The following ZER1 variants were observed in gnomAD, a reference collection of about 807,000 sequenced individuals.
ZER1 encodes the protein zyg-11 related cell cycle regulator, also known as protein zer-1 homolog.
In ZER1, 11 loss-of-function variants were observed where a neutral mutation model predicts 78.8. That is an observed-to-expected ratio of 0.14 (90% CI 0.09 to 0.23). ZER1 has a LOEUF of 0.23. ZER1 is among the 10% of genes least tolerant of loss of function. ZER1 has a pLI of 1.00. For synonymous variants in ZER1, 400 were observed against 407.0 expected (o/e 0.98, Z 0.21); for missense variants, 588 against 996.9 (o/e 0.59, Z 5.52).
At chr9:128,750,105 G>A (rs1427656264) in intron 8 of ZER1, among the ~76,000 whole-genome samples, 2 of 152,180 alleles carry the variant, frequency 1.3e-5, no homozygotes, top group African/African-American at 2.4e-5. Flanking sequence ...CAACACAGTT[G>A]AAGTAAAAAT....
rs754184730 is a variant in ZER1 at position 128,755,360 on chromosome 9, A to G, written c.158+48T>C. Reference sequence around the variant, plus strand: ...ACACACGGTCCCAATCTCTCTATACACATTCATGGTAAGACCCCTGCCCCT... The same window carrying G: ...ACACACGGTCCCAATCTCTCTATACGCATTCATGGTAAGACCCCTGCCCCT... On this transcript the variant is annotated intron_variant, in intron 2 of 15. Transcript: ENST00000291900. The surrounding 1 kb of genome is among the most constrained non-coding windows in gnomAD (Gnocchi z 5.6). 12 of 1,608,568 alleles carry G rather than the reference A, an allele frequency of 7.5e-6. No homozygotes were observed. The highest frequency in any genetic ancestry group is 1.3e-5 in the African/African-American group (1 of 74,740).
chr9:128,770,075 A>G (rs999347776), intron 1 of ZER1, among the ~76,000 whole-genome samples: 6 of 151,802 alleles, frequency 4.0e-5, no homozygotes, highest in Non-Finnish European at 8.8e-5. Flanking sequence ...TTTCTTGCCA[A>G]CCACTCTTCC....
intron 8 of ZER1, among the ~76,000 whole-genome samples, chr9:128,748,067 C>A (rs1167907022): frequency 6.6e-6 from 1 of 152,014 alleles, no homozygotes; most frequent in Admixed American, 6.6e-5. Flanking sequence ...GGCAACACAG[C>A]GAGACCCCGT....
At position 128,749,055 on chromosome 9, in the gene ZER1, C is replaced by T. The variant is rs1254012157; in HGVS notation, c.1359+1561G>A. Among the ~76,000 whole-genome samples the T allele has an allele frequency of 8.8e-5, 13 of 147,184 alleles. 1 individual carries two copies. The highest frequency in any genetic ancestry group is 6.8e-4 in the Admixed American group (10 of 14,692). ...TATATATATATATTGTGGCTGAGCA[C>T]GGTGGCTCACGCCTGTAATCCCAGC... is the stretch of plus-strand genomic sequence containing the variant. On this transcript the variant is annotated intron_variant, in intron 8 of 15. Transcript: ENST00000291900.
chr9:128,753,200 T>C lies in ZER1; in HGVS notation c.710A>G (p.Asp237Gly). Residue 237 changes from aspartate to glycine, a missense_variant, in exon 4 of 16, where the codon GAC (aspartate) becomes GGC (glycine). Asp to Gly is a moderately conservative substitution (Grantham distance 94). Coordinates refer to ENST00000291900, the MANE Select transcript of ZER1 (RefSeq NM_006336.4). This position sits in a 1 kb window ranked among gnomAD's most constrained non-coding sequence, Gnocchi z 7.5. ...CAGCTGCACGATGACCCGGATGTGGTCGTCGGACAGGTCCATGTTGTAGAG... is the reference window on the plus strand; with the variant it reads ...CAGCTGCACGATGACCCGGATGTGGCCGTCGGACAGGTCCATGTTGTAGAG... ...LVLYNMDLSD[D>G]HIRVIVQLHK... 1 of 1,568,976 alleles carries C rather than the reference T, an allele frequency of 6.4e-7. No homozygotes were observed. Among genetic ancestry groups the C allele is most frequent in the Non-Finnish European group, 8.6e-7 (1 of 1,156,984 alleles).
chr9:128,745,470 G>A (rs571423844), intron 8 of ZER1, among the ~76,000 whole-genome samples: 18 of 151,352 alleles, frequency 1.2e-4, no homozygotes, highest in African/African-American at 3.9e-4. Context: ...CGATTCTCCC[G>A]TCTCAGCCTC....
At position 128,753,595 on chromosome 9, in the gene ZER1, C is replaced by T; in HGVS notation, c.315G>A (p.Leu105=). The T allele has an allele frequency of 6.2e-7, 1 of 1,613,022 alleles. No individual in the cohort carries two copies. The highest frequency in any genetic ancestry group is 1.1e-5 in the South Asian group (1 of 91,082). ...CGCAGTTAGTCAGGTACAGCTCCAC[C>T]AGGTCCTGGGAGTGGGCACAGCTCC... is the stretch of plus-strand genomic sequence containing the variant. ...QDLEAIRKQD[L]VELYLTNCEK... The change falls in exon 4 of 16, where the codon CTG becomes CTA. Residue 105 remains leucine, a synonymous_variant. Coordinates refer to ENST00000291900, the MANE Select transcript of ZER1 (RefSeq NM_006336.4). The surrounding 1 kb of genome is among the most constrained non-coding windows in gnomAD (Gnocchi z 7.5).
At position 128,755,335 on chromosome 9, in the gene ZER1, A is replaced by G. The variant is rs1014630429; in HGVS notation, c.158+73T>C. ...TCCATAGCTACTCCCCACATAGTGC[A>G]CACACGGTCCCAATCTCTCTATACA... On this transcript the variant is annotated intron_variant, in intron 2 of 15. Coordinates refer to ENST00000291900, the MANE Select transcript of ZER1 (RefSeq NM_006336.4). This position sits in a 1 kb window ranked among gnomAD's most constrained non-coding sequence, Gnocchi z 5.6. 13 of 1,583,370 alleles carry G rather than the reference A, an allele frequency of 8.2e-6. No individual in the cohort carries two copies. The highest frequency in any genetic ancestry group is 1.0e-5 in the Non-Finnish European group (12 of 1,157,020).
Position 128,758,691 on chromosome 9 carries a change from C to G in ZER1, c.-94-3032G>C, listed in dbSNP as rs371405020. On this transcript the variant is annotated intron_variant, in intron 1 of 15. Transcript: ENST00000291900. Reference sequence around the variant, plus strand: ...TTGTGCTCAAGCAATCTGCTTACCCCCGCCTCCCAAAGTGCTGGGATTACA... The same window carrying G: ...TTGTGCTCAAGCAATCTGCTTACCCGCGCCTCCCAAAGTGCTGGGATTACA... 5.3e-5 allele frequency among the ~76,000 whole-genome samples: 8 copies of G among 150,592 alleles called. No homozygotes were observed. The South Asian group carries it at 8.5e-4, about 16-fold the overall frequency.
chr9:128,733,337 C>T, intron 15 of ZER1, 89 bp downstream of exon 15: 2 of 1,106,826 alleles, frequency 1.8e-6, no homozygotes, highest in Non-Finnish European at 2.7e-6. Flanking sequence ...CTGGGAATTT[C>T]AGCCATTCCT....
chr9:128,750,549 G>A (rs368993239), intron 8 of ZER1, 67 bp downstream of exon 8: 2 of 1,571,136 alleles, frequency 1.3e-6, no homozygotes, highest in Non-Finnish European at 1.7e-6. Flanking sequence ...AGCCCTAGCG[G>A]GACGCAAGAA....
At chr9:128,748,174 C>T (rs569878611) in intron 8 of ZER1, among the ~76,000 whole-genome samples, 5 of 151,842 alleles carry the variant, frequency 3.3e-5, no homozygotes, top group South Asian at 2.1e-4. Context: ...GGGAGGCCGA[C>T]GCAGGCGGAT....
rs1863673357 is a variant in ZER1 at position 128,751,375 on chromosome 9, G to T, written c.1038+38C>A. On this transcript the variant is annotated intron_variant, in intron 6 of 15. Transcript: ENST00000291900. This position sits in a 1 kb window ranked among gnomAD's most constrained non-coding sequence, Gnocchi z 5.4. ...AATCCAGCTCCTTCTCTCTCCCAAG[G>T]CTCCCTGGCCCAGACCCATCCCACT... 6.2e-7 allele frequency: 1 copy of T among 1,613,302 alleles called. No homozygotes were observed. The highest frequency in any genetic ancestry group is 1.3e-5 in the African/African-American group (1 of 74,998).
chr9:128,747,746 G>A (rs1180537166), intron 8 of ZER1, among the ~76,000 whole-genome samples: 1 of 152,082 alleles, frequency 6.6e-6, no homozygotes, highest in Admixed American at 6.6e-5. Flanking sequence ...CCGGAGTGGA[G>A]TAGCTGGGAC....
At chr9:128,739,299 GA>G (rs1863206185) in intron 13 of ZER1, among the ~76,000 whole-genome samples, 1 of 151,516 alleles carries the variant, frequency 6.6e-6, no homozygotes, top group South Asian at 2.1e-4. Context: ...TCAGGAGATC[GA>G]AACTATCCTG....
intron 8 of ZER1, among the ~76,000 whole-genome samples, chr9:128,749,446 T>C (rs1434199262): frequency 6.6e-6 from 1 of 152,166 alleles, no homozygotes; most frequent in African/African-American, 2.4e-5. Flanking sequence ...GACGTTGGCA[T>C]ATTGCCCATC....
At chr9:128,739,897 C>T (rs1564394137) in intron 13 of ZER1, 34 bp downstream of exon 13, 1 of 1,586,172 alleles carries the variant, frequency 6.3e-7, no homozygotes, top group Middle Eastern at 1.7e-4. Flanking sequence ...CCCCATATTC[C>T]ACACCGCATC....
At chr9:128,738,226 A>G (rs1356546567) in intron 13 of ZER1, among the ~76,000 whole-genome samples, 3 of 141,506 alleles carry the variant, frequency 2.1e-5, no homozygotes, top group Non-Finnish European at 1.5e-5. Context: ...TTGTATTTTT[A>G]GTAGAGGTGG....
chr9:128,751,598 G>T lies in ZER1; in HGVS notation c.924-71C>A. The T allele has an allele frequency of 7.5e-7, 1 of 1,328,218 alleles. No homozygotes were observed. The highest frequency in any genetic ancestry group is 1.1e-6 in the Non-Finnish European group (1 of 937,694). The allele number at this position is 1,328,218 out of a possible 1,614,324, so 82.3% of individuals were successfully genotyped here. ...GAGCTGGGCCTCCCCACTGGGGGTG[G>T]TGAGGCATTTCCTTGCTTTCTCTTC... On this transcript the variant is annotated intron_variant, in intron 5 of 15. Transcript: ENST00000291900. This position sits in a 1 kb window ranked among gnomAD's most constrained non-coding sequence, Gnocchi z 5.4.
Sources: gnomAD v4.1 joint callset for allele counts (sites outside exome capture counted in the v4.1 genomes callset) on GRCh38, gnomAD v4.1.1 for gene constraint, Gnocchi (gnomAD v3.1) non-coding constraint, MANE v1.5 for transcripts, NCBI Gene and HGNC (gene_info 2026-07-23, HGNC 2026-07-21) for gene names.